TTC7B: variants seen among roughly 807,000 people sequenced by gnomAD.
The protein encoded by TTC7B is tetratricopeptide repeat protein 7B.
A neutral mutation model predicts 106.8 loss-of-function variants in TTC7B; 28 were observed. The ratio of observed to expected loss-of-function variants is 0.26; its 90% confidence interval spans 0.19 to 0.36. The LOEUF (loss-of-function observed/expected upper bound fraction) is 0.36, where lower values mean the gene tolerates loss of function less well. Ranked by LOEUF, TTC7B falls within the 10% of genes least tolerant of loss-of-function variation. The probability of loss-of-function intolerance (pLI) is 1.00; values close to 1 mark genes in which losing one functional copy is unlikely to be tolerated. For synonymous variants in TTC7B, 405 were observed against 430.6 expected, an observed-to-expected ratio of 0.94 and a Z score of 0.74; for missense variants, 862 against 1,076.4, an observed-to-expected ratio of 0.80 and a Z score of 2.79.
chr14:90,728,096 T>C (rs577849096), intron 5 of TTC7B, among the ~76,000 whole-genome samples: 1 of 152,184 alleles, frequency 6.6e-6, no homozygotes, highest in African/African-American at 2.4e-5. Context: ...GCCCCCAAAC[T>C]GGCCCTCACC....
chr14:90,768,215 T>C (rs1295568760), intron 3 of TTC7B, among the ~76,000 whole-genome samples: 1 of 152,230 alleles, frequency 6.6e-6, no homozygotes, highest in Non-Finnish European at 1.5e-5. Context: ...TTCACACTGC[T>C]ATAAAGAACT....
intron 3 of TTC7B, chr14:90,767,134 G>A (rs1180505793): frequency 3.4e-5 from 20 of 591,756 alleles, no homozygotes; most frequent in African/African-American, 1.3e-4. Context: ...CAGGAGCATC[G>A]CTTGAGCCCA....
chr14:90,617,809 G>A (rs1257856462), intron 16 of TTC7B, 120 bp downstream of exon 16: 3 of 727,686 alleles, frequency 4.1e-6, no homozygotes, highest in Non-Finnish European at 7.2e-6. Flanking sequence ...GCCACTTGTG[G>A]GGGCCTGGAG....
At position 90,807,258 on chromosome 14, in the gene TTC7B, G is replaced by A. The variant is rs2030665752; in HGVS notation, c.121+8917C>T. Among the ~76,000 whole-genome samples the A allele has an allele frequency of 6.6e-6, 1 of 152,136 alleles. No individual in the cohort carries two copies. Among genetic ancestry groups the A allele is most frequent in the Non-Finnish European group, 1.5e-5 (1 of 68,032 alleles). On this transcript the variant is annotated intron_variant, in intron 1 of 19. Transcript: ENST00000328459. This position sits in a 1 kb window ranked among gnomAD's most constrained non-coding sequence, Gnocchi z 4.1. ...CTGCTTACCCACTCACTGCCACTGA[G>A]TCTGACCTCTCCAGGCTCCCAGCTG...
chr14:90,547,942 T>C (rs1889907011), intron 19 of TTC7B, among the ~76,000 whole-genome samples: 1 of 152,072 alleles, frequency 6.6e-6, no homozygotes, highest in African/African-American at 2.4e-5. Flanking sequence ...AAAGCATCCT[T>C]CCCAAGGAGA....
At chr14:90,814,572 A>G (rs1184789494) in intron 1 of TTC7B, among the ~76,000 whole-genome samples, 1 of 152,196 alleles carries the variant, frequency 6.6e-6, no homozygotes, top group Non-Finnish European at 1.5e-5. Flanking sequence ...GTGGATTCAG[A>G]AGAAAAAAGA....
chr14:90,605,017 G>A (rs1238312903), intron 17 of TTC7B, among the ~76,000 whole-genome samples: 1 of 152,196 alleles, frequency 6.6e-6, no homozygotes, highest in East Asian at 1.9e-4. Flanking sequence ...TGGAATCATA[G>A]GGGAGCAATT....
rs150551420 is a variant in TTC7B at position 90,657,234 on chromosome 14, C to T, written c.1281G>A (p.Lys427=). 3.8e-4 allele frequency: 615 copies of T among 1,614,074 alleles called. 1 individual carries two copies. In the African/African-American group the frequency reaches 6.6e-3, roughly 17 times the overall value. The change falls in exon 11 of 20, where the codon AAG becomes AAA. Residue 427 remains lysine (K), a synonymous_variant. Transcript: ENST00000328459. This position sits in a 1 kb window ranked among gnomAD's most constrained non-coding sequence, Gnocchi z 4.2. ...GGAGAGGGATGGTGGCATCGTCTGG[C>T]TTCAGGCGGATACACTCTTTCAGCA... ...VKVLKECIRL[K]PDDATIPLLA...
At position 90,725,196 on chromosome 14, in the gene TTC7B, T is replaced by C. The variant is rs117716288; in HGVS notation, c.698+4879A>G. Among the ~76,000 whole-genome samples, 1,054 of 152,338 alleles carry C rather than the reference T, an allele frequency of 6.9e-3. 7 individuals are homozygous for C. The highest frequency in any genetic ancestry group is 0.012 in the Non-Finnish European group (839 of 68,030). On this transcript the variant is annotated intron_variant, in intron 5 of 19. Transcript: ENST00000328459. ...CTTGCTACCACTGCAAGAGGGAAGA[T>C]GACCTCCAGAAGGCCAGAATGCAAA...
At chr14:90,762,715 A>C (rs1488263436) in intron 3 of TTC7B, among the ~76,000 whole-genome samples, 1 of 152,206 alleles carries the variant, frequency 6.6e-6, no homozygotes, top group Admixed American at 6.5e-5. Flanking sequence ...CAGAATAGAG[A>C]CTACTCCTCA....
Position 90,816,194 on chromosome 14 carries a change from C to G in TTC7B, c.102G>C (p.Ser34=). 1 of 1,266,604 alleles carries G rather than the reference C, an allele frequency of 7.9e-7. No homozygotes were observed. The highest frequency in any genetic ancestry group is 1.0e-6 in the Non-Finnish European group (1 of 973,562). The allele number at this position is 1,266,604 out of a possible 1,614,324, so 78.5% of individuals were successfully genotyped here. The change falls in exon 1 of 20, where the codon TCG becomes TCC. Residue 34 remains serine (S), a synonymous_variant. Transcript: ENST00000328459. ...GCGTACCGTTGGCGATGAGCTTGGC[C>G]GACAGCTGCTTGACGAGCTCAGGGA... is the stretch of plus-strand genomic sequence containing the variant. ...ERIPELVKQL[S]AKLIANDDMA... is the part of the protein sequence containing the mutation.
intron 1 of TTC7B, among the ~76,000 whole-genome samples, chr14:90,788,112 C>T (rs1018733480): frequency 4.6e-5 from 7 of 152,010 alleles, no homozygotes; most frequent in African/African-American, 1.4e-4. Flanking sequence ...TGCAGTGAGC[C>T]GATATTGCAT....
At chr14:90,630,828 CTTGTTTT>C (rs1166660750) in intron 15 of TTC7B, among the ~76,000 whole-genome samples, 6 of 146,832 alleles carry the variant, frequency 4.1e-5, no homozygotes, top group African/African-American at 1.3e-4. Flanking sequence ...GTCCTTCTAT[CTTGTTTT>C]TTGTTTTTTT....
intron 3 of TTC7B, among the ~76,000 whole-genome samples, chr14:90,753,820 C>T (rs1890206647): frequency 6.6e-6 from 1 of 152,192 alleles, no homozygotes; most frequent in South Asian, 2.1e-4. Flanking sequence ...ACACACATCC[C>T]TCATAAAAGA....
chr14:90,771,030 T>G (rs10131019), intron 3 of TTC7B, among the ~76,000 whole-genome samples: 48,475 of 151,988 alleles, frequency 0.32, 10,959 homozygotes, highest in African/African-American at 0.65. Flanking sequence ...AATGGTGTCT[T>G]CCAGTGGCTG....
At chr14:90,776,241 T>C (rs1015988894) in intron 3 of TTC7B, among the ~76,000 whole-genome samples, 2 of 150,786 alleles carry the variant, frequency 1.3e-5, no homozygotes, top group African/African-American at 4.9e-5. Flanking sequence ...TCTAAAATAA[T>C]AATTGGTAGC....
At chr14:90,546,002 C>T (rs1191467206) in intron 19 of TTC7B, among the ~76,000 whole-genome samples, 1 of 152,230 alleles carries the variant, frequency 6.6e-6, no homozygotes, top group Non-Finnish European at 1.5e-5. Context: ...AAAGCTGGAG[C>T]TGCTTAGGGA....
intron 18 of TTC7B, among the ~76,000 whole-genome samples, chr14:90,591,625 C>T (rs886561704): frequency 6.6e-6 from 1 of 152,200 alleles, no homozygotes; most frequent in African/African-American, 2.4e-5. Context: ...TGGCCTTCAG[C>T]CCTTCTAGTG....
intron 11 of TTC7B, 58 bp from the exon 12 acceptor site, chr14:90,655,168 C>T: frequency 7.5e-7 from 1 of 1,329,870 alleles, no homozygotes. Flanking sequence ...AACATGAGTT[C>T]CCATAAGCGT....
Sources: allele counts gnomAD v4.1 joint callset (sites outside exome capture counted in the v4.1 genomes callset), GRCh38; gene constraint gnomAD v4.1.1; non-coding constraint Gnocchi (gnomAD v3.1); transcripts MANE v1.5; gene names NCBI Gene and HGNC (gene_info 2026-07-23, HGNC 2026-07-21).